Variants in PAK6 observed in about 807,000 individuals in gnomAD.
PAK6 encodes the protein serine/threonine-protein kinase PAK 6.
Under a neutral mutation model 60.8 loss-of-function variants are expected in PAK6, and 33 were observed. That is an observed-to-expected ratio of 0.54 (90% CI 0.41 to 0.73). The LOEUF (loss-of-function observed/expected upper bound fraction) is 0.73. PAK6 is among the 30% of genes least tolerant of loss of function. The pLI, the probability that PAK6 is intolerant of heterozygous loss-of-function variation, is 0.00. For synonymous variants in PAK6, 404 were observed against 378.5 expected, an observed-to-expected ratio of 1.07 and a Z score of -0.78; for missense variants, 845 against 904.1, an observed-to-expected ratio of 0.93 and a Z score of 0.84.
intron 2 of PAK6, among the ~76,000 whole-genome samples, chr15:40,248,721 G>A (rs1477292036): frequency 6.7e-6 from 1 of 148,908 alleles, no homozygotes; most frequent in Non-Finnish European, 1.5e-5. Context: ...GGAAGGGACG[G>A]TCCTCCTACC....
chr15:40,266,161 C>T, exon 5 of PAK6: 2 of 1,609,058 alleles, frequency 1.2e-6, no homozygotes, highest in Non-Finnish European at 8.5e-7. Flanking sequence ...GGGCTGGCTG[C>T]AAAGGCACAG....
At chr15:40,272,947 C>A (rs761050162) in exon 7 of PAK6, 22 of 1,613,930 alleles carry the variant, frequency 1.4e-5, no homozygotes, top group Admixed American at 1.7e-5. Flanking sequence ...GCTGTGGGTG[C>A]TCATGGAGTT....
intron 10 of PAK6, among the ~76,000 whole-genome samples, chr15:40,275,280 G>GTTTTTTTTTTGTTTTTTTTT (rs2039419105): frequency 1.8e-5 from 1 of 56,486 alleles, no homozygotes; most frequent in East Asian, 6.0e-4. Context: ...GTTGTTGTTG[G>GTTTTTTTTTTGTTTTTTTTT]TTTTTTTTTT....
chr15:40,240,671 G>A (rs760138595), exon 2 of PAK6: 19 of 447,214 alleles, frequency 4.2e-5, no homozygotes, highest in Non-Finnish European at 8.4e-5. Context: ...TGCCCAGAAG[G>A]AGCAGCCACG....
intron 4 of PAK6, among the ~76,000 whole-genome samples, chr15:40,265,219 A>G (rs570926953): frequency 5.9e-5 from 9 of 152,344 alleles, no homozygotes; most frequent in South Asian, 2.1e-4. Context: ...GATTCAGCAC[A>G]TGAAAATGTG....
At chr15:40,241,621 G>A (rs930918131) in intron 2 of PAK6, among the ~76,000 whole-genome samples, 3 of 152,192 alleles carry the variant, frequency 2.0e-5, no homozygotes, top group East Asian at 1.9e-4. Context: ...AAGCCCTTCT[G>A]GGAGCAGCTG....
intron 2 of PAK6, chr15:40,245,656 G>A (rs2038476543): frequency 6.6e-6 from 1 of 152,426 alleles, no homozygotes; most frequent in Non-Finnish European, 1.5e-5. Context: ...AAGCCAAAGG[G>A]AGTCCCCGGA....
intron 5 of PAK6, among the ~76,000 whole-genome samples, chr15:40,269,655 G>A (rs576958760): frequency 2.0e-5 from 3 of 152,296 alleles, no homozygotes; most frequent in South Asian, 2.1e-4. Context: ...TGAAGCCAAC[G>A]AAAGGATGCT....
chr15:40,273,508 C>A (rs1456138777), intron 8 of PAK6, 36 bp downstream of exon 8: 12 of 1,613,684 alleles, frequency 7.4e-6, no homozygotes, highest in Non-Finnish European at 9.3e-6. Flanking sequence ...AGCCACGCTC[C>A]CACTTCCTCC....
chr15:40,256,259 A>C (rs1268445069), intron 3 of PAK6, among the ~76,000 whole-genome samples: 2 of 152,138 alleles, frequency 1.3e-5, no homozygotes, highest in South Asian at 4.1e-4. Flanking sequence ...CAAACTTCTG[A>C]AAGTAAAGTT....
chr15:40,240,929 C>G (rs1172239418), intron 2 of PAK6, among the ~76,000 whole-genome samples: 3 of 152,210 alleles, frequency 2.0e-5, no homozygotes, highest in Admixed American at 1.3e-4. Context: ...TCTTCCTGCC[C>G]CAGCTGGGCC....
chr15:40,242,677 C>T (rs144205665), intron 2 of PAK6, among the ~76,000 whole-genome samples: 49 of 152,322 alleles, frequency 3.2e-4, no homozygotes, highest in South Asian at 1.2e-3. Context: ...GGCGAGCAGT[C>T]TGCCTGGGCC....
At chr15:40,275,273 G>A (rs566483767) in intron 10 of PAK6, among the ~76,000 whole-genome samples, 568 of 47,486 alleles carry the variant, frequency 0.012, 2 homozygotes, top group South Asian at 0.025. Context: ...TGTTTCTGTT[G>A]TTGTTGGTTT....
At chr15:40,253,182 G>A in exon 3 of PAK6, 1 of 456,050 alleles carries the variant, frequency 2.2e-6, no homozygotes, top group Non-Finnish European at 4.4e-6. Context: ...GCGCAGGCCT[G>A]CGGAGGACTG....
chr15:40,272,169 G>C, intron 5 of PAK6, 55 bp from the exon 6 acceptor site: 1 of 1,556,272 alleles, frequency 6.4e-7, no homozygotes, highest in Non-Finnish European at 8.7e-7. Flanking sequence ...CCTCCGGGAA[G>C]GTTATTCCAA....
chr15:40,264,637 C>A (rs776885900), intron 3 of PAK6, 144 bp from the exon 4 acceptor site: 141 of 688,374 alleles, frequency 2.0e-4, no homozygotes, highest in Non-Finnish European at 2.8e-4. Context: ...CCTGAGGAAG[C>A]AGAGATGGAG....
At chr15:40,246,072 C>G (rs189613056) in intron 2 of PAK6, 2 of 152,426 alleles carry the variant, frequency 1.3e-5, no homozygotes, top group Admixed American at 6.5e-5. Context: ...GCACCCAGGC[C>G]ACTCTTGGGG....
chr15:40,242,581 G>T (rs2038385039), intron 2 of PAK6, among the ~76,000 whole-genome samples: 1 of 152,202 alleles, frequency 6.6e-6, no homozygotes, highest in African/African-American at 2.4e-5. Context: ...TAGCCAGCAG[G>T]TTGGGGAGGA....
chr15:40,270,746 T>C (rs955927416), intron 5 of PAK6, among the ~76,000 whole-genome samples: 1 of 152,218 alleles, frequency 6.6e-6, no homozygotes, highest in East Asian at 1.9e-4. Context: ...GCTTCTTTCC[T>C]GTGAAGGTCA....
Sources: gnomAD v4.1 joint callset for allele counts (sites outside exome capture counted in the v4.1 genomes callset) on GRCh38, gnomAD v4.1.1 for gene constraint, MANE v1.5 for transcripts, NCBI Gene and HGNC (gene_info 2026-07-23, HGNC 2026-07-21) for gene names.